ROBO1: variants seen among roughly 807,000 people sequenced by gnomAD.
ROBO1 encodes the protein roundabout homolog 1.
ROBO1 carries 149 observed loss-of-function variants against 195.9 expected under a neutral mutation model. The ratio of observed to expected loss-of-function variants is 0.76; its 90% CI spans 0.67 to 0.87. The LOEUF (loss-of-function observed/expected upper bound fraction) is 0.87. Ranked by LOEUF, ROBO1 falls within the 40% of genes least tolerant of loss-of-function variation. The pLI, the probability that ROBO1 is intolerant of heterozygous loss-of-function variation, is 0.00. For synonymous variants in ROBO1, 816 were observed against 733.2 expected (o/e 1.11, Z -1.82); for missense variants, 1,933 against 2,068.3 (o/e 0.93, Z 1.27).
intron 8 of ROBO1, among the ~76,000 whole-genome samples, chr3:78,698,755 C>T (rs1439616966): frequency 2.0e-5 from 3 of 152,188 alleles, no homozygotes; most frequent in Non-Finnish European, 2.9e-5. Context: ...TATCAGAATA[C>T]TAACATATAT....
At position 79,460,810 on chromosome 3, in the gene ROBO1, C is replaced by T. The variant is rs1937609356; in HGVS notation, c.88+129014G>A. ...TCGCCCAGGCTGGAGTGCAGTGGCG[C>T]GATCTCAGCTCACTGCAAGCTGCAC... On this transcript the variant is annotated intron_variant, in intron 2 of 30. Transcript: ENST00000464233. Among the ~76,000 whole-genome samples the T allele has an allele frequency of 1.3e-5, 2 of 151,878 alleles. 1 individual carries two copies. Among genetic ancestry groups the T allele is most frequent in the South Asian group, 4.1e-4 (2 of 4,822 alleles).
At chr3:78,825,608 G>A (rs1481126064) in intron 4 of ROBO1, among the ~76,000 whole-genome samples, 1 of 152,126 alleles carries the variant, frequency 6.6e-6, no homozygotes, top group Non-Finnish European at 1.5e-5. Flanking sequence ...TCATTATGAA[G>A]AGAAAGACTG....
At chr3:79,351,217 T>C (rs2035328375) in intron 2 of ROBO1, among the ~76,000 whole-genome samples, 1 of 152,232 alleles carries the variant, frequency 6.6e-6, no homozygotes, top group Admixed American at 6.5e-5. Context: ...TAGTTTTATG[T>C]TGCTTCAGGC....
At chr3:78,945,793 A>C (rs1027265796) in intron 3 of ROBO1, among the ~76,000 whole-genome samples, 4 of 152,130 alleles carry the variant, frequency 2.6e-5, no homozygotes, top group African/African-American at 4.8e-5. Flanking sequence ...TGAATGGATA[A>C]CTAGAAGAAC....
At chr3:79,744,821 C>A (rs993654005) in intron 1 of ROBO1, among the ~76,000 whole-genome samples, 1 of 151,914 alleles carries the variant, frequency 6.6e-6, no homozygotes, top group African/African-American at 2.4e-5. Context: ...TACACAGTTA[C>A]TACATTTTTA....
At chr3:78,894,905 G>A (rs763432157) in intron 4 of ROBO1, among the ~76,000 whole-genome samples, 20 of 152,194 alleles carry the variant, frequency 1.3e-4, no homozygotes, top group Non-Finnish European at 2.4e-4. Flanking sequence ...AAAGAGGCTG[G>A]AGCACACGGA....
intron 2 of ROBO1, among the ~76,000 whole-genome samples, chr3:79,184,233 G>A (rs539676530): frequency 2.0e-5 from 3 of 152,276 alleles, no homozygotes; most frequent in African/African-American, 7.2e-5. Context: ...ATATTCTACT[G>A]ATCGTTAATG....
chr3:79,094,267 C>G (rs1034310077), intron 3 of ROBO1, among the ~76,000 whole-genome samples: 1 of 152,002 alleles, frequency 6.6e-6, no homozygotes, highest in African/African-American at 2.4e-5. Flanking sequence ...TAAGAAAAAA[C>G]TTAAAATGTT....
intron 2 of ROBO1, among the ~76,000 whole-genome samples, chr3:79,419,056 A>G (rs1487702099): frequency 6.6e-6 from 1 of 152,112 alleles, no homozygotes; most frequent in Non-Finnish European, 1.5e-5. Context: ...GTGTGGCTGG[A>G]TCAGACAGTA....
At chr3:79,565,414 G>A (rs1189010887) in intron 2 of ROBO1, among the ~76,000 whole-genome samples, 1 of 151,714 alleles carries the variant, frequency 6.6e-6, no homozygotes, top group African/African-American at 2.4e-5. Context: ...CTATTTGAAA[G>A]TACATTAAGA....
intron 29 of ROBO1, among the ~76,000 whole-genome samples, chr3:78,603,170 A>T (rs1703274377): frequency 1.3e-5 from 2 of 152,174 alleles, no homozygotes; most frequent in Admixed American, 6.5e-5. Context: ...CTTATAAAAT[A>T]TCTATAGGCT....
intron 2 of ROBO1, among the ~76,000 whole-genome samples, chr3:79,378,709 T>G (rs2036467770): frequency 6.6e-6 from 1 of 152,220 alleles, no homozygotes; most frequent in South Asian, 2.1e-4. Context: ...AGCTTTATAT[T>G]TTCACGCCTT....
chr3:79,416,603 T>TA (rs76259270), intron 2 of ROBO1, among the ~76,000 whole-genome samples: 10,767 of 113,534 alleles, frequency 0.095, 563 homozygotes, highest in East Asian at 0.21. Context: ...GTGAAACTCT[T>TA]AAAAAAAAAA....
At chr3:79,103,699 T>C (rs1215515421) in intron 3 of ROBO1, among the ~76,000 whole-genome samples, 2 of 151,614 alleles carry the variant, frequency 1.3e-5, no homozygotes, top group Admixed American at 1.3e-4. Flanking sequence ...TTAACAACAC[T>C]TTGACTAAGA....
chr3:79,631,525 TA>T (rs1277306239), intron 1 of ROBO1, among the ~76,000 whole-genome samples: 1 of 151,976 alleles, frequency 6.6e-6, no homozygotes, highest in African/African-American at 2.4e-5. Context: ...CCTGAAGTTA[TA>T]AAAATCTTAG....
At chr3:79,047,978 G>A (rs993946778) in intron 3 of ROBO1, among the ~76,000 whole-genome samples, 17 of 152,128 alleles carry the variant, frequency 1.1e-4, no homozygotes, top group Non-Finnish European at 1.5e-4. Context: ...AAGCCTTGCC[G>A]TGGAAACTTC....
intron 2 of ROBO1, among the ~76,000 whole-genome samples, chr3:79,139,427 T>C (rs2080476752): frequency 6.6e-6 from 1 of 152,150 alleles, no homozygotes; most frequent in African/African-American, 2.4e-5. Context: ...AAAGTAGATC[T>C]CTTAAAGTAA....
intron 3 of ROBO1, among the ~76,000 whole-genome samples, chr3:78,945,831 G>C (rs1381271652): frequency 6.6e-6 from 1 of 152,184 alleles, no homozygotes; most frequent in African/African-American, 2.4e-5. Flanking sequence ...TAAAGGACCT[G>C]ATGGAGCTGA....
intron 2 of ROBO1, among the ~76,000 whole-genome samples, chr3:79,506,458 G>A (rs1342958519): frequency 6.7e-6 from 1 of 150,106 alleles, no homozygotes; most frequent in East Asian, 2.0e-4. Context: ...ATGAGATGAA[G>A]CAATTTTTTT....
Sources: allele counts gnomAD v4.1 joint callset (sites outside exome capture counted in the v4.1 genomes callset), GRCh38; gene constraint gnomAD v4.1.1; transcripts MANE v1.5; gene names NCBI Gene and HGNC (gene_info 2026-07-23, HGNC 2026-07-21).